The following ARHGAP28 variants were observed in gnomAD, a reference collection of about 807,000 sequenced individuals.
ARHGAP28 encodes rho GTPase-activating protein 28.
ARHGAP28 carries 56 observed loss-of-function variants against 90.7 expected under a neutral mutation model. The observed-to-expected ratio is 0.62, with a 90% CI of 0.50 to 0.77. ARHGAP28 has a LOEUF of 0.77. Among genes scored for constraint, ARHGAP28 ranks in the 30% least tolerant of loss-of-function variants. The probability of loss-of-function intolerance (pLI) is 0.00; values close to 1 mark genes in which losing one functional copy is unlikely to be tolerated. For missense variants in ARHGAP28, 869 were observed against 900.9 expected, an observed-to-expected ratio of 0.96 and a Z score of 0.45; for synonymous variants, 308 against 323.3, an observed-to-expected ratio of 0.95 and a Z score of 0.51.
chr18:6,850,632 C>T (rs994016739), intron 3 of ARHGAP28, among the ~76,000 whole-genome samples: 10 of 152,176 alleles, frequency 6.6e-5, no homozygotes, highest in Non-Finnish European at 1.2e-4. Context: ...CACAAGAAAA[C>T]ATTAGCTTTC....
At chr18:6,756,900 C>T (rs1411451070) in intron 1 of ARHGAP28, among the ~76,000 whole-genome samples, 1 of 152,160 alleles carries the variant, frequency 6.6e-6, no homozygotes, top group African/African-American at 2.4e-5. Context: ...CCTTCTTCTG[C>T]CTGCTTTATG....
chr18:6,886,806 G>T (rs1184901980), intron 11 of ARHGAP28, among the ~76,000 whole-genome samples: 1 of 152,172 alleles, frequency 6.6e-6, no homozygotes, highest in African/African-American at 2.4e-5. Context: ...TTATATGGAA[G>T]CAAGGTTTAT....
intron 16 of ARHGAP28, chr18:6,898,506 T>G (rs1335669324): frequency 1.2e-6 from 2 of 1,613,620 alleles, no homozygotes; most frequent in Non-Finnish European, 1.7e-6. Context: ...AAGAGAAGAG[T>G]CGACAGAGAC....
chr18:6,807,029 C>G (rs1199382880), intron 1 of ARHGAP28, among the ~76,000 whole-genome samples: 2 of 151,922 alleles, frequency 1.3e-5, no homozygotes, highest in Non-Finnish European at 1.5e-5. Flanking sequence ...ATTGATTTTA[C>G]GATTTTTTCT....
At position 6,890,430 on chromosome 18, in the gene ARHGAP28, G is replaced by C; in HGVS notation, c.1735G>C (p.Val579Leu). The change falls in exon 14 of 18, where the codon GTT becomes CTT. Residue 579 changes from valine to leucine, a missense_variant and splice_region_variant. By Grantham distance (32) the Val-to-Leu change is conservative. Coordinates refer to ENST00000383472, the MANE Select transcript of ARHGAP28 (RefSeq NM_001366230.1). ...MLKYQKILWK[V>L]PSFLITQVRR... ...AGTCCAAGCTATTTTTCTTCTCCAGGTTCCATCTTTCTTAATCACTCAAGT... is the reference window on the plus strand; with the variant it reads ...AGTCCAAGCTATTTTTCTTCTCCAGCTTCCATCTTTCTTAATCACTCAAGT... The C allele has an allele frequency of 6.3e-7, 1 of 1,594,616 alleles. No individual in the cohort carries two copies. The highest frequency in any genetic ancestry group is 8.6e-7 in the Non-Finnish European group (1 of 1,164,694).
intron 1 of ARHGAP28, among the ~76,000 whole-genome samples, chr18:6,745,377 A>G (rs1456484247): frequency 1.3e-5 from 2 of 152,214 alleles, no homozygotes; most frequent in East Asian, 3.9e-4. Flanking sequence ...CTTCTTATCC[A>G]TTACCATGGA....
At chr18:6,792,601 T>G (rs2056414295) in intron 1 of ARHGAP28, among the ~76,000 whole-genome samples, 1 of 152,172 alleles carries the variant, frequency 6.6e-6, no homozygotes, top group African/African-American at 2.4e-5. Context: ...ACACTTCCTA[T>G]GGAGTGATAC....
intron 2 of ARHGAP28, among the ~76,000 whole-genome samples, chr18:6,833,242 C>G (rs1443216367): frequency 6.6e-6 from 1 of 152,050 alleles, no homozygotes; most frequent in African/African-American, 2.4e-5. Context: ...TACATACACA[C>G]TTATATAGAG....
At chr18:6,863,734 G>T (rs2057015690) in intron 5 of ARHGAP28, among the ~76,000 whole-genome samples, 2 of 149,806 alleles carry the variant, frequency 1.3e-5, no homozygotes. Context: ...TTAATAATTT[G>T]TTTATGAAAC....
At chr18:6,846,347 A>T (rs972252979) in intron 3 of ARHGAP28, among the ~76,000 whole-genome samples, 1 of 151,926 alleles carries the variant, frequency 6.6e-6, no homozygotes, top group African/African-American at 2.4e-5. Context: ...TGTTACATAG[A>T]TTTCATGTGG....
intron 6 of ARHGAP28, 57 bp downstream of exon 6, chr18:6,868,291 A>T: frequency 6.8e-7 from 1 of 1,461,418 alleles, no homozygotes; most frequent in Non-Finnish European, 9.6e-7. Flanking sequence ...TTGTTCTGGC[A>T]CTCAATACAG....
rs140726369 is a variant in ARHGAP28, at chr18:6,815,828, C to T, written c.123-8934C>T. Among the ~76,000 whole-genome samples the T allele has an allele frequency of 1.6e-3, 239 of 151,904 alleles. 2 individuals are homozygous for T. Among genetic ancestry groups the T allele is most frequent in the African/African-American group, 5.1e-3 (213 of 41,440 alleles). On this transcript the variant is annotated intron_variant, in intron 1 of 17. Transcript: ENST00000383472. Reference sequence around the variant, plus strand: ...AAGTTGTTCATTCTTCCATTGCCACCGTTCCCATTACTTGCATAGTGCTGT... The same window carrying T: ...AAGTTGTTCATTCTTCCATTGCCACTGTTCCCATTACTTGCATAGTGCTGT...
At chr18:6,796,385 A>G (rs1194224799) in intron 1 of ARHGAP28, among the ~76,000 whole-genome samples, 1 of 152,074 alleles carries the variant, frequency 6.6e-6, no homozygotes, top group Non-Finnish European at 1.5e-5. Flanking sequence ...CACCCCTGCT[A>G]TACTCCCTGT....
intron 1 of ARHGAP28, among the ~76,000 whole-genome samples, chr18:6,733,101 A>G (rs1171788900): frequency 1.3e-5 from 2 of 152,232 alleles, no homozygotes; most frequent in Admixed American, 6.5e-5. Context: ...AAAACTATGT[A>G]TGGAGCATAA....
chr18:6,890,231 G>A (rs2143722237), intron 13 of ARHGAP28, 146 bp downstream of exon 13: 2 of 922,664 alleles, frequency 2.2e-6, no homozygotes, highest in Non-Finnish European at 3.3e-6. Context: ...TACACCTTCT[G>A]GAAGGGCTGC....
At chr18:6,839,292 AT>A (rs368008575) in intron 3 of ARHGAP28, among the ~76,000 whole-genome samples, 5,320 of 133,802 alleles carry the variant, frequency 0.04, 110 homozygotes, top group African/African-American at 0.08. Flanking sequence ...AACCAGCATA[AT>A]TTTTTTTTTT....
intron 13 of ARHGAP28, 63 bp downstream of exon 13, chr18:6,890,148 T>G (rs2057253557): frequency 6.4e-7 from 1 of 1,572,860 alleles, no homozygotes; most frequent in African/African-American, 1.4e-5. Flanking sequence ...ACATAAAGCC[T>G]CCATGATTGG....
At chr18:6,778,483 A>G (rs1277262856) in intron 1 of ARHGAP28, among the ~76,000 whole-genome samples, 1 of 152,206 alleles carries the variant, frequency 6.6e-6, no homozygotes, top group Non-Finnish European at 1.5e-5. Flanking sequence ...CCTTATGGGA[A>G]AATACCCAAG....
intron 2 of ARHGAP28, among the ~76,000 whole-genome samples, chr18:6,834,880 C>G (rs1347820158): frequency 6.6e-6 from 1 of 152,074 alleles, no homozygotes; most frequent in Non-Finnish European, 1.5e-5. Flanking sequence ...TGTTGAAATA[C>G]GGAATCCTGA....
Sources: gnomAD v4.1 joint callset for allele counts (sites outside exome capture counted in the v4.1 genomes callset) on GRCh38, gnomAD v4.1.1 for gene constraint, MANE v1.5 for transcripts, NCBI Gene and HGNC (gene_info 2026-07-23, HGNC 2026-07-21) for gene names.